Variants in TMEM65 observed in about 807,000 individuals in gnomAD.
TMEM65 encodes the protein transmembrane protein 65.
A neutral mutation model predicts 25.4 loss-of-function variants in TMEM65; 22 were observed. The observed-to-expected ratio is 0.86, with a 90% CI of 0.62 to 1.23. The LOEUF (loss-of-function observed/expected upper bound fraction) is 1.23, where lower values mean the gene tolerates loss of function less well. Ranked by LOEUF, TMEM65 falls within the 50% of genes most tolerant of loss-of-function variation. TMEM65 has a pLI of 0.00. For synonymous variants in TMEM65, 132 were observed against 126.2 expected (o/e 1.05, Z -0.31); for missense variants, 262 against 308.2 (o/e 0.85, Z 1.12).
chr8:124,328,370 C>CTCTA (rs1273812447), intron 2 of TMEM65, among the ~76,000 whole-genome samples: 1 of 151,026 alleles, frequency 6.6e-6, no homozygotes, highest in African/African-American at 2.4e-5. Context: ...CACCACTGAA[C>CTCTA]TCTAGCCTGG....
At chr8:124,347,595 T>A (rs1184243415) in intron 1 of TMEM65, among the ~76,000 whole-genome samples, 1 of 152,178 alleles carries the variant, frequency 6.6e-6, no homozygotes, top group Non-Finnish European at 1.5e-5. Flanking sequence ...ATTTTTTAAT[T>A]AAATAAATAA....
chr8:124,334,724 A>G (rs1227495579), intron 1 of TMEM65, among the ~76,000 whole-genome samples: 1 of 145,998 alleles, frequency 6.8e-6, no homozygotes, highest in Non-Finnish European at 1.5e-5. Context: ...AGATCACACT[A>G]CTGCACTCCA....
chr8:124,338,758 T>A (rs1814543326), intron 1 of TMEM65, among the ~76,000 whole-genome samples: 1 of 152,212 alleles, frequency 6.6e-6, no homozygotes, highest in African/African-American at 2.4e-5. Context: ...TAAAATACTT[T>A]TTAGGATAAA....
chr8:124,313,971 T>C lies in TMEM65; in HGVS notation c.712A>G (p.Thr238Ala), dbSNP rs1181550169. The C allele has an allele frequency of 2.5e-6, 4 of 1,612,442 alleles. No individual in the cohort carries two copies. Among genetic ancestry groups the C allele is most frequent in the South Asian group, 2.2e-5 (2 of 90,982 alleles). ...GTATTCTAAGAGGATTAACTTTTCG[T>C]TTCCAGTTTTTCATCTTCTTCACCT... ...GGGEEDEKLETKS is the reference protein window; with the variant it reads ...GGGEEDEKLEAKS The change falls in exon 7 of 7, where the codon ACG (threonine) becomes GCG (alanine). Residue 238 changes from threonine to alanine, a missense_variant. Transcript: ENST00000297632.
intron 1 of TMEM65, among the ~76,000 whole-genome samples, chr8:124,352,956 G>A (rs551315502): frequency 1.9e-4 from 29 of 152,084 alleles, no homozygotes; most frequent in East Asian, 1.4e-3. Flanking sequence ...ACGAAACACC[G>A]TCTATACAAA....
At chr8:124,371,558 G>C (rs1478601575) in intron 1 of TMEM65, among the ~76,000 whole-genome samples, 1 of 152,226 alleles carries the variant, frequency 6.6e-6, no homozygotes, top group African/African-American at 2.4e-5. Context: ...TCCCAACAGC[G>C]TTAACTGGCA....
intron 1 of TMEM65, among the ~76,000 whole-genome samples, chr8:124,339,222 A>ATATATATAT (rs71289657): frequency 2.0e-4 from 4 of 19,906 alleles, no homozygotes; most frequent in Non-Finnish European, 2.4e-4. Flanking sequence ...AAAAAAAAAA[A>ATATATATAT]ATATATATAT....
At chr8:124,331,192 A>G (rs1814427018) in intron 1 of TMEM65, among the ~76,000 whole-genome samples, 1 of 151,848 alleles carries the variant, frequency 6.6e-6, no homozygotes, top group African/African-American at 2.4e-5. Context: ...ATACACAAAC[A>G]AGCATCATTG....
At chr8:124,362,798 C>T (rs1814889078) in intron 1 of TMEM65, among the ~76,000 whole-genome samples, 1 of 151,234 alleles carries the variant, frequency 6.6e-6, no homozygotes, top group African/African-American at 2.4e-5. Context: ...ATTTGGTTTT[C>T]TCTTTTGAAC....
At chr8:124,343,943 G>A (rs543173543) in intron 1 of TMEM65, among the ~76,000 whole-genome samples, 2 of 152,300 alleles carry the variant, frequency 1.3e-5, no homozygotes, top group South Asian at 2.1e-4. Flanking sequence ...AGAGGAAGAC[G>A]ATTTGACAGT....
In TMEM65 at chr8:124,306,244, G is replaced by T. The variant is rs1814090905; in HGVS notation, c.*7716C>A. ...AGTCAAGTCAAACTGAGGAGTATTT[G>T]TTTCTTTGGTAGTTGGTAGACAAAG... On this transcript the variant is annotated 3_prime_UTR_variant, in exon 7 of 7. Coordinates refer to ENST00000297632, the MANE Select transcript of TMEM65 (RefSeq NM_194291.3). 6.6e-6 allele frequency: 1 copy of T among 152,284 alleles called. No homozygotes were observed. Among genetic ancestry groups the T allele is most frequent in the South Asian group, 2.1e-4 (1 of 4,826 alleles). The allele number at this position is 152,284 out of a possible 1,614,324, so 9.4% of individuals were successfully genotyped here.
At position 124,372,216 on chromosome 8, in the gene TMEM65, T is replaced by G; in HGVS notation, c.-59A>C. ...CCGGCAAGGCGGTTTCTGGCGCGGC[T>G]GAGGCGAGAAGGAGCTGGGCTCAGC... On this transcript the variant is annotated 5_prime_UTR_variant, in exon 1 of 7. Transcript: ENST00000297632. 8.2e-7 allele frequency: 1 copy of G among 1,222,762 alleles called. No homozygotes were observed. The highest frequency in any genetic ancestry group is 1.0e-6 in the Non-Finnish European group (1 of 973,366). The allele number at this position is 1,222,762 out of a possible 1,614,324, so 75.7% of individuals were successfully genotyped here. A position where few individuals can be genotyped will look rare whatever the true frequency, so the allele number is the denominator to read the frequency against.
intron 1 of TMEM65, among the ~76,000 whole-genome samples, chr8:124,354,748 T>C (rs1814758004): frequency 6.6e-6 from 1 of 152,180 alleles, no homozygotes; most frequent in African/African-American, 2.4e-5. Flanking sequence ...CTTCTTTCCC[T>C]TCCCTTCCCA....
At chr8:124,340,364 ATCT>A (rs1814570202) in intron 1 of TMEM65, among the ~76,000 whole-genome samples, 1 of 152,182 alleles carries the variant, frequency 6.6e-6, no homozygotes, top group Admixed American at 6.5e-5. Flanking sequence ...TAAGAATGCT[ATCT>A]ATTTGACTTA....
chr8:124,367,265 G>A (rs556103241), intron 1 of TMEM65, among the ~76,000 whole-genome samples: 1 of 152,186 alleles, frequency 6.6e-6, no homozygotes, highest in South Asian at 2.1e-4. Flanking sequence ...CCTGAGGTCA[G>A]GAGTTCGAGA....
At position 124,311,581 on chromosome 8, in the gene TMEM65, CTAATA is replaced by C. The variant is rs751594860; in HGVS notation, c.*2374_*2378del. On this transcript the variant is annotated 3_prime_UTR_variant, in exon 7 of 7. Coordinates refer to ENST00000297632, the MANE Select transcript of TMEM65 (RefSeq NM_194291.3). ...GCATTTAACTATGGTTCTTGTGCTC[CTAATA>C]GAGAAGTAGCTAATATGAGAAACAA... 2.2e-3 allele frequency: 328 copies of C among 152,526 alleles called. No homozygotes were observed. Among genetic ancestry groups the C allele is most frequent in the Non-Finnish European group, 3.3e-3 (227 of 67,986 alleles). 9.4% of individuals were successfully genotyped at this position (152,526 alleles called of 1,614,324 possible).
At chr8:124,321,926 T>C (rs1293853154) in intron 5 of TMEM65, among the ~76,000 whole-genome samples, 179 bp downstream of exon 5, 5 of 152,182 alleles carry the variant, frequency 3.3e-5, no homozygotes, top group Non-Finnish European at 7.3e-5. Context: ...CAGGCATCTA[T>C]ATTTGATGGA....
chr8:124,365,773 G>C (rs1054649580), intron 1 of TMEM65, among the ~76,000 whole-genome samples: 1 of 152,168 alleles, frequency 6.6e-6, no homozygotes, highest in African/African-American at 2.4e-5. Context: ...AAGAAGCAAA[G>C]AATACATTCT....
At chr8:124,364,125 A>G (rs1367883638) in intron 1 of TMEM65, among the ~76,000 whole-genome samples, 1 of 152,212 alleles carries the variant, frequency 6.6e-6, no homozygotes, top group Admixed American at 6.5e-5. Context: ...AAAAGAGAAC[A>G]GTGATCCTTG....
Sources: allele counts gnomAD v4.1 joint callset (sites outside exome capture counted in the v4.1 genomes callset), GRCh38; gene constraint gnomAD v4.1.1; transcripts MANE v1.5; gene names NCBI Gene and HGNC (gene_info 2026-07-23, HGNC 2026-07-21).